ROBO1: variants seen among roughly 807,000 people sequenced by gnomAD.
The protein encoded by ROBO1 is roundabout guidance receptor 1, also known as roundabout homolog 1.
In ROBO1, 149 loss-of-function variants were observed where a neutral mutation model predicts 195.9. The observed-to-expected ratio is 0.76, with a 90% confidence interval of 0.67 to 0.87. The LOEUF is 0.87. Ranked by LOEUF, ROBO1 falls within the 40% of genes least tolerant of loss-of-function variation. The pLI is 0.00. For missense variants in ROBO1, 1,933 were observed against 2,068.3 expected, an observed-to-expected ratio of 0.93 and a Z score of 1.27; for synonymous variants, 816 against 733.2, an observed-to-expected ratio of 1.11 and a Z score of -1.82.
At chr3:78,960,792 AC>A (rs1560051732) in intron 3 of ROBO1, among the ~76,000 whole-genome samples, 2,229 of 137,082 alleles carry the variant, frequency 0.016, 31 homozygotes, top group African/African-American at 0.026. Flanking sequence ...ACACACACAC[AC>A]ACACACACAC....
intron 3 of ROBO1, among the ~76,000 whole-genome samples, chr3:79,111,758 A>C (rs2079891422): frequency 6.6e-6 from 1 of 152,208 alleles, no homozygotes; most frequent in Non-Finnish European, 1.5e-5. Flanking sequence ...GGTTGCATTT[A>C]ATGGAGATAC....
At chr3:79,048,992 T>A (rs2078647051) in intron 3 of ROBO1, among the ~76,000 whole-genome samples, 1 of 152,042 alleles carries the variant, frequency 6.6e-6, no homozygotes, top group African/African-American at 2.4e-5. Context: ...CCTCTTCTCC[T>A]CCAAAAGATC....
intron 4 of ROBO1, among the ~76,000 whole-genome samples, chr3:78,806,385 A>G (rs1057043387): frequency 6.6e-6 from 1 of 152,192 alleles, no homozygotes; most frequent in Non-Finnish European, 1.5e-5. Flanking sequence ...AGGAAGCGGT[A>G]TCTAAATGGA....
intron 2 of ROBO1, among the ~76,000 whole-genome samples, chr3:79,341,825 T>C (rs1483491602): frequency 1.3e-5 from 2 of 152,220 alleles, no homozygotes; most frequent in East Asian, 3.8e-4. Context: ...GAAAATAACA[T>C]GCCGTTCCTA....
At chr3:78,858,193 G>A (rs2034569300) in intron 4 of ROBO1, among the ~76,000 whole-genome samples, 1 of 152,040 alleles carries the variant, frequency 6.6e-6, no homozygotes, top group South Asian at 2.1e-4. Context: ...TAGAAAGCAG[G>A]AACAACCGGG....
chr3:78,665,733 T>C (rs1047642323), intron 14 of ROBO1, among the ~76,000 whole-genome samples: 2 of 152,160 alleles, frequency 1.3e-5, no homozygotes, highest in Non-Finnish European at 2.9e-5. Flanking sequence ...AATGGGTATG[T>C]TTAGCCCCAT....
intron 2 of ROBO1, among the ~76,000 whole-genome samples, chr3:79,532,414 ATAAATT>A (rs982548456): frequency 9.8e-5 from 15 of 152,322 alleles, no homozygotes; most frequent in African/African-American, 2.9e-4. Context: ...TAGAAGGAAA[ATAAATT>A]TAAATTCAAT....
rs550178184 is a variant in ROBO1 at position 79,679,521 on chromosome 3, T to A, written c.-51+88231A>T. Among the ~76,000 whole-genome samples, 4 of 152,192 alleles carry A rather than the reference T, an allele frequency of 2.6e-5. No homozygotes were observed. In the East Asian group the frequency reaches 5.8e-4, roughly 22 times the overall value. ...AATTTTACTTGAAGATATGTGTATA[T>A]GTTTAAGTATAAAAACTAAATTTTT... On this transcript the variant is annotated intron_variant, in intron 1 of 30. Transcript: ENST00000464233.
At chr3:78,627,632 G>T in intron 25 of ROBO1, 63 bp from the exon 26 acceptor site, 2 of 1,446,334 alleles carry the variant, frequency 1.4e-6, no homozygotes, top group Non-Finnish European at 1.9e-6. Flanking sequence ...TATTTGGATA[G>T]TAATGAAATG....
chr3:78,671,063 C>A (rs998746499), intron 10 of ROBO1, among the ~76,000 whole-genome samples: 4 of 152,098 alleles, frequency 2.6e-5, no homozygotes, highest in Non-Finnish European at 5.9e-5. Flanking sequence ...AACTCCGTTA[C>A]CTTAGATAAT....
intron 2 of ROBO1, among the ~76,000 whole-genome samples, chr3:79,144,551 T>C (rs1388099181): frequency 6.6e-6 from 1 of 151,982 alleles, no homozygotes; most frequent in Non-Finnish European, 1.5e-5. Context: ...TAGGAAATTT[T>C]GATAGATGGA....
intron 3 of ROBO1, among the ~76,000 whole-genome samples, chr3:79,074,296 A>C (rs1380153843): frequency 6.6e-6 from 1 of 151,934 alleles, no homozygotes; most frequent in Non-Finnish European, 1.5e-5. Flanking sequence ...GGTTCTCAGC[A>C]CTGATACTGG....
At chr3:78,853,275 G>A (rs1390457979) in intron 4 of ROBO1, among the ~76,000 whole-genome samples, 1 of 151,742 alleles carries the variant, frequency 6.6e-6, no homozygotes, top group Non-Finnish European at 1.5e-5. Context: ...AGCAAAAGTA[G>A]CACATAAAGG....
intron 2 of ROBO1, among the ~76,000 whole-genome samples, chr3:79,268,778 T>C (rs961924343): frequency 3.3e-5 from 5 of 151,808 alleles, no homozygotes; most frequent in African/African-American, 1.2e-4. Flanking sequence ...CTTCTAACCA[T>C]CCTTGCAGGA....
chr3:79,008,791 G>A (rs566859492), intron 3 of ROBO1, among the ~76,000 whole-genome samples: 12 of 138,032 alleles, frequency 8.7e-5, no homozygotes, highest in Admixed American at 3.0e-4. Flanking sequence ...ATCTCATTAT[G>A]TTGCCCAGGC....
At chr3:79,619,022 C>T (rs545216802) in intron 1 of ROBO1, among the ~76,000 whole-genome samples, 1 of 152,292 alleles carries the variant, frequency 6.6e-6, no homozygotes, top group East Asian at 1.9e-4. Flanking sequence ...TGATCATTCA[C>T]CCACATTCCA....
chr3:79,693,705 T>G (rs953894614), intron 1 of ROBO1, among the ~76,000 whole-genome samples: 2 of 151,798 alleles, frequency 1.3e-5, no homozygotes, highest in African/African-American at 4.8e-5. Context: ...TCCAAAGCAC[T>G]GGGATTATAG....
At chr3:79,573,026 C>G (rs1037210031) in intron 2 of ROBO1, among the ~76,000 whole-genome samples, 1 of 152,082 alleles carries the variant, frequency 6.6e-6, no homozygotes, top group Non-Finnish European at 1.5e-5. Context: ...AATCCTGGCT[C>G]TGCTCATTTT....
At chr3:79,013,532 G>A (rs1046517997) in intron 3 of ROBO1, among the ~76,000 whole-genome samples, 10 of 152,178 alleles carry the variant, frequency 6.6e-5, no homozygotes, top group African/African-American at 2.4e-4. Flanking sequence ...TTTCATTTAA[G>A]TGGATTTTTT....
Sources: gnomAD v4.1 joint callset for allele counts (sites outside exome capture counted in the v4.1 genomes callset) on GRCh38, gnomAD v4.1.1 for gene constraint, MANE v1.5 for transcripts, NCBI Gene and HGNC (gene_info 2026-07-23, HGNC 2026-07-21) for gene names.